Variants in MCUB observed in about 807,000 individuals in gnomAD.
The protein encoded by MCUB is calcium uniporter regulatory subunit MCUb, mitochondrial.
A neutral mutation model predicts 41.4 loss-of-function variants in MCUB; 46 were observed. The ratio of observed to expected loss-of-function variants is 1.11; its 90% CI spans 0.88 to 1.42. The LOEUF is 1.42. MCUB is among the 40% of genes most tolerant of loss of function. The probability of loss-of-function intolerance (pLI) is 0.00; values close to 1 mark genes in which losing one functional copy is unlikely to be tolerated. For missense variants in MCUB, 403 were observed against 404.9 expected, an observed-to-expected ratio of 1.00 and a Z score of 0.04; for synonymous variants, 148 against 148.2, an observed-to-expected ratio of 1.00 and a Z score of 0.01.
chr4:109,660,320 C>A lies in MCUB; in HGVS notation c.301C>A (p.Gln101Lys), dbSNP rs775027003. Residue 101 changes from glutamine (Q) to lysine (K), a missense_variant, in exon 3 of 8, where the codon CAA becomes AAA. Physicochemically the swap from Gln to Lys is moderately conservative, Grantham distance 53 (BLOSUM62 1). Coordinates refer to ENST00000394650, the MANE Select transcript of MCUB (RefSeq NM_017918.5). ...STVGSFLQDL[Q>K]NEDKGIKTAA... The stretch of plus-strand genomic sequence containing the variant: ...AGTTGGTTCATTCCTTCAGGACCTA[C>A]AAAATGAAGATAAGGGTATCAAAAC... The A allele has an allele frequency of 8.7e-6, 14 of 1,608,016 alleles. No individual in the cohort carries two copies. The highest frequency in any genetic ancestry group is 1.3e-5 in the African/African-American group (1 of 74,742).
chr4:109,663,371 G>A (rs920771610), intron 3 of MCUB, among the ~76,000 whole-genome samples: 5 of 152,206 alleles, frequency 3.3e-5, no homozygotes, highest in African/African-American at 7.2e-5. Flanking sequence ...CAAAACCTAG[G>A]CTCTATGAGA....
intron 1 of MCUB, among the ~76,000 whole-genome samples, chr4:109,649,964 G>T (rs1728923634): frequency 1.3e-5 from 2 of 152,158 alleles, no homozygotes; most frequent in Non-Finnish European, 2.9e-5. Context: ...CTGAACCCAG[G>T]TGTGGTATGG....
At chr4:109,627,224 T>C (rs1224350870) in intron 1 of MCUB, among the ~76,000 whole-genome samples, 1 of 152,018 alleles carries the variant, frequency 6.6e-6, no homozygotes, top group Admixed American at 6.6e-5. Context: ...ACTTTTTTTG[T>C]GACTGACAGA....
At chr4:109,639,579 CAGG>C (rs1728671044) in intron 1 of MCUB, among the ~76,000 whole-genome samples, 2 of 152,192 alleles carry the variant, frequency 1.3e-5, no homozygotes, top group East Asian at 3.9e-4. Context: ...TCCAGCTACT[CAGG>C]AGGCTGAGGC....
intron 1 of MCUB, among the ~76,000 whole-genome samples, chr4:109,574,747 A>G (rs183838293): frequency 6.9e-4 from 105 of 152,348 alleles, no homozygotes; most frequent in Non-Finnish European, 8.7e-4. Context: ...TGCACTCATG[A>G]GCACTGCCAC....
At chr4:109,567,485 A>G (rs531424348) in intron 1 of MCUB, among the ~76,000 whole-genome samples, 2 of 143,618 alleles carry the variant, frequency 1.4e-5, no homozygotes, top group South Asian at 4.7e-4. Flanking sequence ...CTTGGCCAAC[A>G]TGGTGAAACC....
intron 1 of MCUB, among the ~76,000 whole-genome samples, chr4:109,620,889 CA>C (rs1210167199): frequency 1.8e-4 from 25 of 140,714 alleles, no homozygotes; most frequent in African/African-American, 6.1e-4. Flanking sequence ...AGAACTTCAA[CA>C]TTCTTCTTCT....
chr4:109,670,758 G>A (rs890275320), intron 4 of MCUB, among the ~76,000 whole-genome samples: 1 of 151,548 alleles, frequency 6.6e-6, no homozygotes, highest in African/African-American at 2.4e-5. Context: ...AGAATTCTCT[G>A]GCATATTTCA....
intron 1 of MCUB, among the ~76,000 whole-genome samples, chr4:109,606,253 G>A (rs572484724): frequency 6.6e-6 from 1 of 152,200 alleles, no homozygotes; most frequent in African/African-American, 2.4e-5. Context: ...GGGATTACAG[G>A]TGTGAGCCAC....
intron 3 of MCUB, 118 bp downstream of exon 3, chr4:109,660,483 G>T: frequency 5.6e-6 from 3 of 540,478 alleles, no homozygotes; most frequent in African/African-American, 2.0e-5. Context: ...ATAAATGGTT[G>T]GTCTTTATTC....
intron 1 of MCUB, among the ~76,000 whole-genome samples, chr4:109,563,785 A>AC (rs1234195687): frequency 3.3e-5 from 5 of 152,202 alleles, no homozygotes; most frequent in Non-Finnish European, 7.3e-5. Flanking sequence ...TACCTGTGAA[A>AC]CTAAGGTAGA....
intron 6 of MCUB, 23 bp downstream of exon 6, chr4:109,684,669 G>T (rs1376824679): frequency 8.7e-7 from 1 of 1,143,120 alleles, no homozygotes; most frequent in South Asian, 1.3e-5. Flanking sequence ...TTAGGAAAAT[G>T]GTAAGTTAGA....
chr4:109,650,696 A>G (rs1050794031), intron 1 of MCUB, among the ~76,000 whole-genome samples: 2 of 152,256 alleles, frequency 1.3e-5, no homozygotes, highest in Non-Finnish European at 2.9e-5. Context: ...ATGTTAGTAC[A>G]TAACCACCAT....
chr4:109,655,479 AG>A (rs1729070627), intron 1 of MCUB, among the ~76,000 whole-genome samples: 1 of 152,188 alleles, frequency 6.6e-6, no homozygotes, highest in African/African-American at 2.4e-5. Context: ...TCTAGCAACC[AG>A]CCCCATCCTG....
At chr4:109,612,906 A>G (rs1728045776) in intron 1 of MCUB, among the ~76,000 whole-genome samples, 1 of 152,128 alleles carries the variant, frequency 6.6e-6, no homozygotes, top group Non-Finnish European at 1.5e-5. Context: ...GGAGATCAAG[A>G]CCATCCTGGC....
intron 1 of MCUB, among the ~76,000 whole-genome samples, chr4:109,644,724 A>T (rs1728796718): frequency 6.6e-6 from 1 of 152,176 alleles, no homozygotes; most frequent in East Asian, 1.9e-4. Context: ...TTTTCTACGC[A>T]TTGTATGCAG....
intron 4 of MCUB, 128 bp from the exon 5 acceptor site, chr4:109,682,454 T>C (rs777219759): frequency 3.8e-5 from 28 of 728,052 alleles, no homozygotes; most frequent in Non-Finnish European, 5.6e-5. Context: ...TTTACATGTT[T>C]GTACACCAGC....
chr4:109,607,141 G>GT (rs200779113), intron 1 of MCUB, among the ~76,000 whole-genome samples: 2,812 of 152,250 alleles, frequency 0.018, 68 homozygotes, highest in South Asian at 0.074. Context: ...AATATTCTTT[G>GT]ATTTTTGTGT....
intron 1 of MCUB, among the ~76,000 whole-genome samples, chr4:109,656,047 T>C (rs867998600): frequency 6.6e-6 from 1 of 152,170 alleles, no homozygotes; most frequent in African/African-American, 2.4e-5. Flanking sequence ...CTCTATCTTG[T>C]GGGTGCTACA....
Sources: gnomAD v4.1 joint callset for allele counts (sites outside exome capture counted in the v4.1 genomes callset) on GRCh38, gnomAD v4.1.1 for gene constraint, MANE v1.5 for transcripts, NCBI Gene and HGNC (gene_info 2026-07-23, HGNC 2026-07-21) for gene names.